Variants in ARAP3 observed in about 807,000 individuals in gnomAD.
ARAP3 encodes ArfGAP with RhoGAP domain, ankyrin repeat and PH domain 3, also known as arf-GAP with Rho-GAP domain, ANK repeat and PH domain-containing protein 3.
ARAP3 carries 82 observed loss-of-function variants against 169.2 expected under a neutral mutation model. The observed-to-expected ratio is 0.48, with a 90% CI of 0.41 to 0.58. The LOEUF is 0.58. ARAP3 is among the 20% of genes least tolerant of loss of function. The pLI is 0.00. For synonymous variants in ARAP3, 791 were observed against 800.3 expected (o/e 0.99, Z 0.20); for missense variants, 1,764 against 2,018.0 (o/e 0.87, Z 2.41).
chr5:141,655,229 C>G, intron 32 of ARAP3, 133 bp downstream of exon 32: 1 of 507,508 alleles, frequency 2.0e-6, no homozygotes. Context: ...ATGGCCTACA[C>G]ACACACACAC....
Position 141,654,447 on chromosome 5 carries a change from T to A in ARAP3, c.4150-12A>T. The A allele has an allele frequency of 2.6e-6, 4 of 1,554,366 alleles. No homozygotes were observed. Among genetic ancestry groups the A allele is most frequent in the Non-Finnish European group, 3.5e-6 (4 of 1,151,234 alleles). On this transcript the variant is annotated splice_polypyrimidine_tract_variant and intron_variant, in intron 32 of 32. Coordinates refer to ENST00000239440, the MANE Select transcript of ARAP3 (RefSeq NM_022481.6). ...GATGACTTCATTGGCTGGATGGGAA[T>A]GGAATGGCAGGAGTGGGCACATAGT...
At chr5:141,661,263 C>T (rs1051382950) in intron 21 of ARAP3, among the ~76,000 whole-genome samples, 3 of 151,982 alleles carry the variant, frequency 2.0e-5, no homozygotes, top group African/African-American at 7.3e-5. Context: ...TGGGTTTCAC[C>T]ATGTTGGCCA....
rs768949945 is a variant in ARAP3 at position 141,661,783 on chromosome 5, G to A, written c.3020C>T (p.Pro1007Leu). 1.9e-6 allele frequency: 3 copies of A among 1,614,194 alleles called. No homozygotes were observed. Among genetic ancestry groups the A allele is most frequent in the Non-Finnish European group, 2.5e-6 (3 of 1,180,036 alleles). ...TTTCTCCAGGCGCTGATTCTTCTGG[G>A]GCAGCTCTGGGGATGGAATGGAGGA... The part of the protein sequence containing the change: ...LPRWREAAEL[P>L]QKNQRLEKYK... The change falls in exon 21 of 33, where the codon CCC (proline) becomes CTC (leucine). Residue 1007 changes from proline to leucine, a missense_variant. By Grantham distance (98) the Pro-to-Leu change is moderately conservative. This residue lies in a region of ARAP3 where 1,112 missense variants were observed against 1,285.7 expected (regional missense o/e 0.86). Transcript: ENST00000239440.
intron 21 of ARAP3, among the ~76,000 whole-genome samples, chr5:141,661,166 C>A (rs1015640062): frequency 6.6e-6 from 1 of 151,058 alleles, no homozygotes; most frequent in African/African-American, 2.4e-5. Context: ...TGTGCTCAAG[C>A]GATTCTCGTG....
Position 141,672,460 on chromosome 5 carries a change from T to C in ARAP3, c.1385+92A>G, listed in dbSNP as rs1596491135. On this transcript the variant is annotated intron_variant, in intron 9 of 32. Coordinates refer to ENST00000239440, the MANE Select transcript of ARAP3 (RefSeq NM_022481.6). The surrounding 1 kb of genome is among the most constrained non-coding windows in gnomAD (Gnocchi z 4.9). Reference sequence around the variant, plus strand: ...TGGACTACCATCTGTGCATACCCTCTGACGTCCTACTAAAGAGGCCTCTAG... The same window carrying C: ...TGGACTACCATCTGTGCATACCCTCCGACGTCCTACTAAAGAGGCCTCTAG... 1 of 1,504,192 alleles carries C rather than the reference T, an allele frequency of 6.6e-7. No individual in the cohort carries two copies. The highest frequency in any genetic ancestry group is 1.4e-5 in the African/African-American group (1 of 72,186). The allele number at this position is 1,504,192 out of a possible 1,614,324, so 93.2% of individuals were successfully genotyped here.
At chr5:141,654,486 T>C (rs1288985591) in intron 32 of ARAP3, 51 bp from the exon 33 acceptor site, 1 of 1,512,586 alleles carries the variant, frequency 6.6e-7, no homozygotes, top group Non-Finnish European at 8.8e-7. Context: ...AGTTACCAGA[T>C]TATGAATCAC....
intron 27 of ARAP3, 86 bp from the exon 28 acceptor site, chr5:141,656,362 G>A: frequency 6.2e-7 from 1 of 1,601,192 alleles, no homozygotes; most frequent in Non-Finnish European, 8.6e-7. Flanking sequence ...AATGGGGTCT[G>A]TGGTCACAGG....
Position 141,662,082 on chromosome 5 carries a change from T to G in ARAP3, c.2974A>C (p.Thr992Pro). The change falls in exon 20 of 33, where the codon ACC becomes CCC. Residue 992 changes from threonine to proline, a missense_variant. Coordinates refer to ENST00000239440, the MANE Select transcript of ARAP3 (RefSeq NM_022481.6). ...CAGCGAGGCAGCAACCGTGCAGAGG[T>G]CACAGGGTCATCGAGCTCACGAAAG... ...RFFRELDDPV[T>P]SARLLPRWRE... The G allele has an allele frequency of 6.2e-7, 1 of 1,614,050 alleles. No individual in the cohort carries two copies. Among genetic ancestry groups the G allele is most frequent in the Non-Finnish European group, 8.5e-7 (1 of 1,180,012 alleles).
intron 17 of ARAP3, 130 bp from the exon 18 acceptor site, chr5:141,665,504 A>C (rs1596482989): frequency 1.1e-6 from 1 of 893,460 alleles, no homozygotes; most frequent in East Asian, 2.5e-5. Flanking sequence ...GAATCCTATG[A>C]GTTATGTACT....
At position 141,653,980 on chromosome 5, in the gene ARAP3, G is replaced by A; in HGVS notation, c.4605C>T (p.Ser1535=). Residue 1535 remains serine (S), a synonymous_variant, in exon 33 of 33, where the codon TCC becomes TCT. Coordinates refer to ENST00000239440, the MANE Select transcript of ARAP3 (RefSeq NM_022481.6). ...PGFPTQPPCT[S]SPPSSQPLT is the part of the protein sequence containing the mutation. ...TGAGGGGCTGGCTGGAGGGTGGACT[G>A]GAAGTGCATGGGGGTTGGGTGGGGA... 1.9e-6 allele frequency: 3 copies of A among 1,539,198 alleles called. No individual in the cohort carries two copies. Among genetic ancestry groups the A allele is most frequent in the Non-Finnish European group, 1.7e-6 (2 of 1,143,642 alleles).
Position 141,669,721 on chromosome 5 carries a change from A to G in ARAP3, c.2340T>C (p.Ser780=). 1 of 1,614,084 alleles carries G rather than the reference A, an allele frequency of 6.2e-7. No individual in the cohort carries two copies. Among genetic ancestry groups the G allele is most frequent in the East Asian group, 2.2e-5 (1 of 44,878 alleles). The change falls in exon 16 of 33, where the codon AGT becomes AGC. Residue 780 remains serine, a synonymous_variant. Transcript: ENST00000239440. ...DGADSLEAWT[S]AVGKWFSPLS... is the part of the protein sequence containing the mutation. ...TCTCCTGTCTCACCTTGCCCACAGC[A>G]CTAGTCCAGGCCTCCAGACTGTCAG...
intron 25 of ARAP3, among the ~76,000 whole-genome samples, chr5:141,658,152 G>A (rs1384871804): frequency 1.3e-5 from 2 of 152,104 alleles, no homozygotes; most frequent in Admixed American, 6.5e-5. Flanking sequence ...GGTAAACTAC[G>A]AGCTTGTGGG....
intron 25 of ARAP3, 148 bp from the exon 26 acceptor site, chr5:141,656,994 G>A: frequency 2.6e-6 from 3 of 1,161,812 alleles, no homozygotes; most frequent in Admixed American, 5.6e-5. Flanking sequence ...TGCTGGCCCT[G>A]GGATACGGTG....
intron 32 of ARAP3, among the ~76,000 whole-genome samples, chr5:141,654,911 G>A (rs1415763750): frequency 1.3e-5 from 2 of 151,766 alleles, no homozygotes; most frequent in Non-Finnish European, 2.9e-5. Flanking sequence ...AGCTAATTTT[G>A]TATTTTTAGT....
intron 25 of ARAP3, among the ~76,000 whole-genome samples, chr5:141,657,409 A>C (rs1280645210): frequency 6.6e-6 from 1 of 152,262 alleles, no homozygotes; most frequent in African/African-American, 2.4e-5. Context: ...CATGTGGGCC[A>C]TGGTAAGGGA....
chr5:141,665,450 G>T, intron 17 of ARAP3, 76 bp from the exon 18 acceptor site: 1 of 1,468,032 alleles, frequency 6.8e-7, no homozygotes, highest in Non-Finnish European at 9.5e-7. Context: ...AATGCTTAAC[G>T]TGCATAGATG....
chr5:141,673,058 C>T lies in ARAP3; in HGVS notation c.1048G>A (p.Val350Ile), dbSNP rs1299852189. 1.2e-6 allele frequency: 2 copies of T among 1,614,176 alleles called. No homozygotes were observed. The highest frequency in any genetic ancestry group is 2.2e-5 in the South Asian group (2 of 91,086). ...TRSSKDNKFQ[V>I]ITGQRVFVFR... Reference sequence around the variant, plus strand: ...ACGAACACCCTCTGGCCGGTGATGACCTGGAACTTGTTGTCCTTGCTGCTG... The same window carrying T: ...ACGAACACCCTCTGGCCGGTGATGATCTGGAACTTGTTGTCCTTGCTGCTG... The change falls in exon 7 of 33, where the codon GTC becomes ATC. Residue 350 changes from valine (V) to isoleucine (I), a missense_variant. Transcript: ENST00000239440.
At chr5:141,680,790 ACC>A (rs1333742860) in intron 1 of ARAP3, 2 of 428,634 alleles carry the variant, frequency 4.7e-6, no homozygotes, top group Non-Finnish European at 8.3e-6. Context: ...GTTCCTGCCC[ACC>A]CTGGGTCTGG....
Position 141,671,635 on chromosome 5 carries a change from T to C in ARAP3, c.1789A>G (p.Lys597Glu). 6.2e-7 allele frequency: 1 copy of C among 1,611,498 alleles called. No individual in the cohort carries two copies. The highest frequency in any genetic ancestry group is 8.5e-7 in the Non-Finnish European group (1 of 1,177,646). ...TTCCGGAAGAGACCCAGACGGTACTTTCGGGAGATGAACTCTCCCCGGGGG... is the reference window on the plus strand; with the variant it reads ...TTCCGGAAGAGACCCAGACGGTACTCTCGGGAGATGAACTCTCCCCGGGGG... ...PGPRGEFISRKYRLGLFRKPH... is the reference protein window; with the variant it reads ...PGPRGEFISREYRLGLFRKPH... The change falls in exon 12 of 33, where the codon AAG becomes GAG. Residue 597 changes from lysine (K) to glutamate (E), a missense_variant. By Grantham distance (56) the Lys-to-Glu change is moderately conservative. Transcript: ENST00000239440. The surrounding 1 kb of genome is among the most constrained non-coding windows in gnomAD (Gnocchi z 4.9).
Sources: allele counts gnomAD v4.1 joint callset (sites outside exome capture counted in the v4.1 genomes callset), GRCh38; gene constraint gnomAD v4.1.1; regional missense constraint gnomAD v4.1.1; non-coding constraint Gnocchi (gnomAD v3.1); transcripts MANE v1.5; gene names NCBI Gene and HGNC (gene_info 2026-07-23, HGNC 2026-07-21).